RBFOX1: variants seen among roughly 807,000 people sequenced by gnomAD.
RBFOX1 encodes RNA binding protein fox-1 homolog 1.
Under a neutral mutation model 57.7 loss-of-function variants are expected in RBFOX1, and 8 were observed. The ratio of observed to expected loss-of-function variants is 0.14; its 90% confidence interval spans 0.08 to 0.25. The LOEUF is 0.25. Among genes scored for constraint, RBFOX1 ranks in the 10% least tolerant of loss-of-function variants. RBFOX1 has a pLI of 1.00. For synonymous variants in RBFOX1, 326 were observed against 222.4 expected (o/e 1.47, Z -4.15); for missense variants, 611 against 548.5 (o/e 1.11, Z -1.14).
chr16:7,410,841 G>C (rs143777473), intron 4 of RBFOX1, among the ~76,000 whole-genome samples: 2 of 138,856 alleles, frequency 1.4e-5, no homozygotes, highest in Non-Finnish European at 3.2e-5. Context: ...GTGTGTGTGT[G>C]TGTGTGTGTG....
chr16:5,305,714 T>G (rs2063916361), intron 1 of RBFOX1, among the ~76,000 whole-genome samples: 1 of 152,064 alleles, frequency 6.6e-6, no homozygotes, highest in Non-Finnish European at 1.5e-5. Context: ...CACTTCTGGG[T>G]GGTGGGCAGC....
chr16:6,226,664 A>G (rs554308786), intron 1 of RBFOX1, among the ~76,000 whole-genome samples: 6 of 152,220 alleles, frequency 3.9e-5, no homozygotes, highest in African/African-American at 4.8e-5. Context: ...TTTCTCCCCA[A>G]ACCTCTTAAG....
intron 3 of RBFOX1, among the ~76,000 whole-genome samples, chr16:5,666,768 G>A (rs1285923697): frequency 6.6e-6 from 1 of 152,224 alleles, no homozygotes; most frequent in Non-Finnish European, 1.5e-5. Flanking sequence ...TAAGGAGTCA[G>A]CATGAAGTTG....
At chr16:7,324,024 GT>G (rs544556462) in intron 4 of RBFOX1, among the ~76,000 whole-genome samples, 148 of 151,952 alleles carry the variant, frequency 9.7e-4, no homozygotes, top group African/African-American at 3.4e-3. Flanking sequence ...TTTTTGTTTT[GT>G]TTTGTTTTGT....
intron 4 of RBFOX1, among the ~76,000 whole-genome samples, chr16:7,264,901 C>T (rs764255186): frequency 1.3e-5 from 2 of 152,200 alleles, no homozygotes; most frequent in African/African-American, 2.4e-5. Context: ...CCCCAGTCCA[C>T]CTTCCCACAG....
chr16:6,741,727 A>C (rs536218535), intron 3 of RBFOX1, among the ~76,000 whole-genome samples: 3 of 152,292 alleles, frequency 2.0e-5, no homozygotes, highest in Admixed American at 6.5e-5. Context: ...GATATTGGAA[A>C]GAAAAGCTAT....
intron 2 of RBFOX1, among the ~76,000 whole-genome samples, chr16:6,503,575 C>A (rs1329358033): frequency 1.3e-5 from 2 of 152,164 alleles, no homozygotes; most frequent in African/African-American, 4.8e-5. Context: ...GCTGGGTTGC[C>A]TCAGTTTTCT....
At position 5,861,068 on chromosome 16, in the gene RBFOX1, A is replaced by T. The variant is rs529913746; in HGVS notation, c.319-6235A>T. Among the ~76,000 whole-genome samples, 579 of 152,298 alleles carry T rather than the reference A, an allele frequency of 3.8e-3. 5 individuals carry two copies. The highest frequency in any genetic ancestry group is 0.031 in the Middle Eastern group (9 of 294). On this transcript the variant is annotated intron_variant, in intron 3 of 19. Coordinates refer to the RBFOX1 transcript ENST00000641259. ...AGAGAGAACCAGCTGCAAGGTGAAC[A>T]ATCTCAGTGTCAAGAGATGGAGTCA...
chr16:5,254,709 C>T (rs1171319011), intron 1 of RBFOX1, among the ~76,000 whole-genome samples: 4 of 152,114 alleles, frequency 2.6e-5, no homozygotes, highest in Non-Finnish European at 5.9e-5. Context: ...ACAGTTCCAG[C>T]GTTTAGTGAG....
At chr16:6,170,422 C>G (rs1438752912) in intron 1 of RBFOX1, among the ~76,000 whole-genome samples, 2 of 152,128 alleles carry the variant, frequency 1.3e-5, no homozygotes, top group East Asian at 3.9e-4. Flanking sequence ...TTAATAAAGT[C>G]ACCAAGGAAT....
At chr16:7,270,657 A>C (rs2095295867) in intron 4 of RBFOX1, among the ~76,000 whole-genome samples, 1 of 152,172 alleles carries the variant, frequency 6.6e-6, no homozygotes, top group Admixed American at 6.5e-5. Flanking sequence ...TATTAGACAA[A>C]CCTCTACTAT....
chr16:7,061,768 G>C (rs1452348934), intron 4 of RBFOX1, among the ~76,000 whole-genome samples: 3 of 152,066 alleles, frequency 2.0e-5, no homozygotes, highest in Non-Finnish European at 4.4e-5. Flanking sequence ...ATTTGTCATA[G>C]CTACTCTTCA....
intron 1 of RBFOX1, among the ~76,000 whole-genome samples, chr16:5,303,851 G>A (rs2063865246): frequency 6.6e-6 from 1 of 151,974 alleles, no homozygotes; most frequent in Non-Finnish European, 1.5e-5. Context: ...TTCCCCTGGA[G>A]CTAGGCTCAG....
At chr16:6,941,804 C>A (rs1014671180) in intron 3 of RBFOX1, among the ~76,000 whole-genome samples, 1 of 152,068 alleles carries the variant, frequency 6.6e-6, no homozygotes, top group Non-Finnish European at 1.5e-5. Flanking sequence ...ATTGGAGGAC[C>A]TAACAAATAA....
intron 3 of RBFOX1, among the ~76,000 whole-genome samples, chr16:6,659,703 C>T (rs1471527913): frequency 1.3e-5 from 2 of 152,148 alleles, no homozygotes; most frequent in African/African-American, 4.8e-5. Context: ...TCAGCTCCCA[C>T]ATTGCAGCTC....
chr16:7,543,684 TG>T (rs2083587522), intron 5 of RBFOX1, among the ~76,000 whole-genome samples: 1 of 84,962 alleles, frequency 1.2e-5, no homozygotes, highest in Admixed American at 1.0e-4. Context: ...TGTGTGTGTG[TG>T]TGTGTGTGTG....
chr16:6,015,435 A>G (rs948827956), upstream of RBFOX1, among the ~76,000 whole-genome samples: 1 of 152,206 alleles, frequency 6.6e-6, no homozygotes, highest in South Asian at 2.1e-4. Context: ...GTAATGGTGC[A>G]TCTTGAAAAG....
At chr16:5,643,515 C>G (rs1002677335) in intron 3 of RBFOX1, among the ~76,000 whole-genome samples, 3 of 152,170 alleles carry the variant, frequency 2.0e-5, no homozygotes, top group African/African-American at 7.2e-5. Context: ...CACACCCAGC[C>G]TAGGAAAATC....
At position 6,221,148 on chromosome 16, in the gene RBFOX1, T is replaced by C. The variant is rs753541870; in HGVS notation, c.-126-95847T>C. ...TCATAGGATTAGGGAAATGGAAATA[T>C]CTTGCACAGTACTTTACATGTATTT... On this transcript the variant is annotated intron_variant, in intron 1 of 15. Transcript: ENST00000550418. Among the ~76,000 whole-genome samples the C allele has an allele frequency of 1.1e-3, 161 of 152,320 alleles. 2 individuals are homozygous for C. The highest frequency in any genetic ancestry group is 1.9e-3 in the Non-Finnish European group (128 of 68,026).
Sources: gnomAD v4.1 joint callset for allele counts (sites outside exome capture counted in the v4.1 genomes callset) on GRCh38, gnomAD v4.1.1 for gene constraint, MANE v1.5 for transcripts, NCBI Gene and HGNC (gene_info 2026-07-23, HGNC 2026-07-21) for gene names.